TMEM169: variants seen among roughly 807,000 people sequenced by gnomAD.
TMEM169 encodes the protein transmembrane protein 169.
TMEM169 carries 18 observed loss-of-function variants against 27.3 expected under a neutral mutation model. The observed-to-expected ratio is 0.66, with a 90% confidence interval of 0.46 to 0.98. TMEM169 has a LOEUF of 0.98. Ranked by LOEUF, TMEM169 falls within the 50% of genes least tolerant of loss-of-function variation. The pLI is 0.00. For missense variants in TMEM169, 320 were observed against 368.6 expected (o/e 0.87, Z 1.08); for synonymous variants, 136 against 142.1 (o/e 0.96, Z 0.30).
At chr2:216,094,693 G>A (rs1696219057) in intron 1 of TMEM169, among the ~76,000 whole-genome samples, 1 of 152,168 alleles carries the variant, frequency 6.6e-6, no homozygotes, top group Non-Finnish European at 1.5e-5. Flanking sequence ...GGAACACACT[G>A]TGGGGATGCA....
At chr2:216,089,560 G>A (rs569365500) in intron 1 of TMEM169, among the ~76,000 whole-genome samples, 37 of 152,292 alleles carry the variant, frequency 2.4e-4, no homozygotes, top group African/African-American at 2.6e-4. Context: ...AGGTTCAAGC[G>A]ATTCTCCTGC....
chr2:216,092,625 C>G (rs774567421), intron 1 of TMEM169, among the ~76,000 whole-genome samples: 1 of 152,188 alleles, frequency 6.6e-6, no homozygotes, highest in Non-Finnish European at 1.5e-5. Context: ...ATTTCTGTCT[C>G]CCTTCTGAAC....
chr2:216,088,824 T>C (rs1338022133), intron 1 of TMEM169, among the ~76,000 whole-genome samples: 1 of 152,112 alleles, frequency 6.6e-6, no homozygotes, highest in Non-Finnish European at 1.5e-5. Context: ...TCCTTTCCTT[T>C]CCCCCTTCTC....
chr2:216,087,977 G>A (rs931502663), intron 1 of TMEM169, among the ~76,000 whole-genome samples: 1 of 151,828 alleles, frequency 6.6e-6, no homozygotes, highest in African/African-American at 2.4e-5. Context: ...TGGCCAACAT[G>A]GTGAAACCCT....
At chr2:216,093,810 AT>A (rs946872259) in intron 1 of TMEM169, among the ~76,000 whole-genome samples, 7 of 149,788 alleles carry the variant, frequency 4.7e-5, no homozygotes, top group African/African-American at 1.7e-4. Flanking sequence ...AGAAAAAAAA[AT>A]ATGTATTCTG....
chr2:216,094,987 T>A (rs1403308963), intron 1 of TMEM169, among the ~76,000 whole-genome samples: 1 of 152,196 alleles, frequency 6.6e-6, no homozygotes, highest in Non-Finnish European at 1.5e-5. Context: ...GTTGGTGAGG[T>A]TGTACCATTT....
At chr2:216,096,347 T>C in intron 2 of TMEM169, 113 bp downstream of exon 2, 1 of 1,243,420 alleles carries the variant, frequency 8.0e-7, no homozygotes, top group South Asian at 1.5e-5. Flanking sequence ...GATACATTTC[T>C]TCTTGCAATA....
chr2:216,100,670 A>T lies in TMEM169; in HGVS notation c.*128A>T. On this transcript the variant is annotated 3_prime_UTR_variant, in exon 3 of 3. Transcript: ENST00000437356. Reference sequence around the variant, plus strand: ...TTCTGGGAAATCAGAGTCCATACTGATCAGTTTTACCATCTTGAGGGTTCC... The same window carrying T: ...TTCTGGGAAATCAGAGTCCATACTGTTCAGTTTTACCATCTTGAGGGTTCC... 4 of 1,332,502 alleles carry T rather than the reference A, an allele frequency of 3.0e-6. No homozygotes were observed. The highest frequency in any genetic ancestry group is 4.1e-6 in the Non-Finnish European group (4 of 973,606). The allele number at this position is 1,332,502 out of a possible 1,614,324, so 82.5% of individuals were successfully genotyped here. A position where few individuals can be genotyped will look rare whatever the true frequency, so the allele number is the denominator to read the frequency against.
chr2:216,095,840 G>A lies in TMEM169; in HGVS notation c.-124G>A. 2 of 1,161,504 alleles carry A rather than the reference G, an allele frequency of 1.7e-6. No individual in the cohort carries two copies. Among genetic ancestry groups the A allele is most frequent in the Non-Finnish European group, 2.4e-6 (2 of 838,554 alleles). The allele number at this position is 1,161,504 out of a possible 1,614,324, so 71.9% of individuals were successfully genotyped here. A position where few individuals can be genotyped will look rare whatever the true frequency, so the allele number is the denominator to read the frequency against. ...GGCTTTGCTTTCCTATCTTTCAGGTGGAATGCATCCTTGGGACATCTTTGC... is the reference window on the plus strand; with the variant it reads ...GGCTTTGCTTTCCTATCTTTCAGGTAGAATGCATCCTTGGGACATCTTTGC... On this transcript the variant is annotated splice_region_variant and 5_prime_UTR_variant, in exon 2 of 3. Coordinates refer to ENST00000437356, the MANE Select transcript of TMEM169 (RefSeq NM_001142311.2).
chr2:216,095,102 T>A (rs1231493212), intron 1 of TMEM169, among the ~76,000 whole-genome samples: 2 of 123,612 alleles, frequency 1.6e-5, no homozygotes, highest in Non-Finnish European at 3.2e-5. Flanking sequence ...ATGGTTCTTT[T>A]TTCTTTCTTT....
chr2:216,093,125 A>AGTGTGTGTGTGTGTGTGTGTGTGT (rs60241289), intron 1 of TMEM169, among the ~76,000 whole-genome samples: 1 of 145,816 alleles, frequency 6.9e-6, no homozygotes, highest in African/African-American at 2.6e-5. Context: ...GTAATAATGA[A>AGTGTGTGTGTGTGTGTGTGTGTGT]GTGTGTGTGT....
chr2:216,090,789 G>A (rs1696103650), intron 1 of TMEM169, among the ~76,000 whole-genome samples: 1 of 152,154 alleles, frequency 6.6e-6, no homozygotes, highest in East Asian at 1.9e-4. Context: ...TACTTCTTGG[G>A]TAATTTGTTA....
chr2:216,092,395 G>A (rs6435934), intron 1 of TMEM169, among the ~76,000 whole-genome samples: 47,562 of 151,522 alleles, frequency 0.31, 8,102 homozygotes, highest in East Asian at 0.67. Flanking sequence ...TGATTCGCCC[G>A]CCTTGATCTC....
intron 1 of TMEM169, among the ~76,000 whole-genome samples, chr2:216,094,666 A>G (rs1403289735): frequency 6.6e-6 from 1 of 152,228 alleles, no homozygotes; most frequent in Non-Finnish European, 1.5e-5. Flanking sequence ...CTATCAACTC[A>G]TAACACAGAG....
At chr2:216,083,137 C>T (rs1695908208) in intron 1 of TMEM169, among the ~76,000 whole-genome samples, 1 of 152,194 alleles carries the variant, frequency 6.6e-6, no homozygotes, top group Non-Finnish European at 1.5e-5. Flanking sequence ...AGATTCAAAT[C>T]TACACTCGTT....
At chr2:216,098,386 C>T (rs180932908) in intron 2 of TMEM169, among the ~76,000 whole-genome samples, 52 of 152,010 alleles carry the variant, frequency 3.4e-4, no homozygotes, top group African/African-American at 1.2e-3. Flanking sequence ...TGATCAGAGG[C>T]AGGGAGTGAG....
intron 1 of TMEM169, among the ~76,000 whole-genome samples, chr2:216,090,984 T>C (rs531677078): frequency 6.6e-6 from 1 of 152,312 alleles, no homozygotes; most frequent in East Asian, 1.9e-4. Context: ...AGTGAATACA[T>C]TTTTGAAAGC....
At chr2:216,097,646 T>G (rs990315350) in intron 2 of TMEM169, among the ~76,000 whole-genome samples, 2 of 151,876 alleles carry the variant, frequency 1.3e-5, no homozygotes, top group South Asian at 4.2e-4. Context: ...TGTAGATGGA[T>G]AGATCTCTAA....
intron 1 of TMEM169, chr2:216,082,591 G>A (rs886925644): frequency 6.6e-6 from 1 of 152,336 alleles, no homozygotes; most frequent in Non-Finnish European, 1.5e-5. Context: ...TTGAGATCAT[G>A]TCCTGTAGTT....
Sources: gnomAD v4.1 joint callset for allele counts (sites outside exome capture counted in the v4.1 genomes callset) on GRCh38, gnomAD v4.1.1 for gene constraint, MANE v1.5 for transcripts, NCBI Gene and HGNC (gene_info 2026-07-23, HGNC 2026-07-21) for gene names.